The following FAM171A1 variants were observed in gnomAD, a reference collection of about 807,000 sequenced individuals.
The protein encoded by FAM171A1 is protein FAM171A1.
FAM171A1 carries 23 observed loss-of-function variants against 74.9 expected under a neutral mutation model. That is an observed-to-expected ratio of 0.31 (90% confidence interval 0.22 to 0.44). The LOEUF (loss-of-function observed/expected upper bound fraction) is 0.44. Ranked by LOEUF, FAM171A1 falls within the 20% of genes least tolerant of loss-of-function variation. The pLI is 1.00. For synonymous variants in FAM171A1, 527 were observed against 505.7 expected, an observed-to-expected ratio of 1.04 and a Z score of -0.57; for missense variants, 1,162 against 1,159.2, an observed-to-expected ratio of 1.00 and a Z score of -0.03.
intron 3 of FAM171A1, among the ~76,000 whole-genome samples, chr10:15,274,689 T>G (rs542974804): frequency 5.3e-5 from 8 of 152,206 alleles, no homozygotes; most frequent in African/African-American, 1.9e-4. Flanking sequence ...AAAACAGACA[T>G]ATAGACCAAT....
chr10:15,359,879 A>G (rs4750632), intron 1 of FAM171A1, among the ~76,000 whole-genome samples: 149,945 of 152,330 alleles, frequency 0.98, 73,840 homozygotes, highest in Middle Eastern at 1. Context: ...CAGGGACTCC[A>G]TCCTGAATTG....
intron 3 of FAM171A1, among the ~76,000 whole-genome samples, chr10:15,267,961 T>G (rs541758723): frequency 2.2e-4 from 34 of 151,954 alleles, no homozygotes; most frequent in African/African-American, 8.0e-4. Context: ...AAGGGAAAGG[T>G]GGGGACAGTG....
chr10:15,267,544 A>T (rs1181058720), intron 3 of FAM171A1, among the ~76,000 whole-genome samples: 1 of 134,662 alleles, frequency 7.4e-6, no homozygotes, highest in African/African-American at 2.7e-5. Context: ...CAGAGGTTGC[A>T]ATGAGCCGAG....
intron 3 of FAM171A1, among the ~76,000 whole-genome samples, chr10:15,266,604 AC>A (rs1337803784): frequency 1.3e-5 from 2 of 152,056 alleles, no homozygotes; most frequent in Non-Finnish European, 2.9e-5. Flanking sequence ...GGTGGCTCAC[AC>A]CTGTAACCCC....
At chr10:15,223,763 G>A (rs917274229) in intron 5 of FAM171A1, among the ~76,000 whole-genome samples, 20 of 152,170 alleles carry the variant, frequency 1.3e-4, no homozygotes, top group African/African-American at 4.8e-4. Flanking sequence ...GCTGGGTGTG[G>A]TGGCTCCCAT....
intron 3 of FAM171A1, among the ~76,000 whole-genome samples, chr10:15,262,754 A>T (rs1834674717): frequency 6.6e-6 from 1 of 152,240 alleles, no homozygotes; most frequent in Admixed American, 6.5e-5. Context: ...AAAGAACTAG[A>T]AGAGATGAAA....
intron 3 of FAM171A1, among the ~76,000 whole-genome samples, chr10:15,275,264 AAAT>A (rs1177858440): frequency 6.6e-6 from 1 of 152,092 alleles, no homozygotes; most frequent in Non-Finnish European, 1.5e-5. Context: ...ATAATTTAAA[AAAT>A]AATAAGTGGA....
intron 1 of FAM171A1, among the ~76,000 whole-genome samples, chr10:15,334,834 T>A (rs567526800): frequency 6.6e-6 from 1 of 152,374 alleles, no homozygotes; most frequent in South Asian, 2.1e-4. Flanking sequence ...ATACACTTTA[T>A]GCTACAGAAA....
intron 3 of FAM171A1, 77 bp downstream of exon 3, chr10:15,275,778 C>A: frequency 1.0e-6 from 1 of 952,510 alleles, no homozygotes; most frequent in Non-Finnish European, 1.6e-6. Context: ...CATCACATCA[C>A]ATTGTACACC....
intron 5 of FAM171A1, among the ~76,000 whole-genome samples, chr10:15,235,314 A>C (rs1173260276): frequency 6.6e-6 from 1 of 151,220 alleles, no homozygotes; most frequent in African/African-American, 2.4e-5. Context: ...AAAAAAAAAA[A>C]AAAAAAAAAA....
intron 1 of FAM171A1, among the ~76,000 whole-genome samples, chr10:15,289,743 T>C (rs1835080877): frequency 6.6e-6 from 1 of 152,258 alleles, no homozygotes; most frequent in Non-Finnish European, 1.5e-5. Context: ...AGGCCAAATG[T>C]GGCCTGCTGC....
chr10:15,216,220 G>C (rs1414506021), intron 6 of FAM171A1, 110 bp from the exon 7 acceptor site: 6 of 659,826 alleles, frequency 9.1e-6, no homozygotes, highest in East Asian at 8.9e-5. Context: ...CTGGGGCATA[G>C]AGCAGTGGCC....
At chr10:15,271,113 T>C (rs1457975260) in intron 3 of FAM171A1, among the ~76,000 whole-genome samples, 2 of 152,116 alleles carry the variant, frequency 1.3e-5, no homozygotes, top group East Asian at 3.9e-4. Flanking sequence ...TTCGAACCCA[T>C]TGCAAAGAAG....
intron 1 of FAM171A1, among the ~76,000 whole-genome samples, chr10:15,324,772 C>T (rs550044750): frequency 6.6e-6 from 1 of 152,074 alleles, no homozygotes; most frequent in Admixed American, 6.6e-5. Context: ...GACAAAAAAA[C>T]CAAACCAACT....
chr10:15,311,382 C>A (rs1178476216), intron 1 of FAM171A1, among the ~76,000 whole-genome samples: 2 of 152,136 alleles, frequency 1.3e-5, no homozygotes, highest in African/African-American at 4.8e-5. Flanking sequence ...AGCCTATATT[C>A]CCTTTTAGTT....
Position 15,214,125 on chromosome 10 carries a change from C to T in FAM171A1, c.1463G>A (p.Ser488Asn), listed in dbSNP as rs1253861623. The change falls in exon 8 of 8, where the codon AGT becomes AAT. Residue 488 changes from serine to asparagine, a missense_variant. Ser to Asn is a conservative substitution (Grantham distance 46, BLOSUM62 1). Transcript: ENST00000378116. ...AGGCTGTGAGAGCACGGTGTTGTAA[C>T]TACCCCTGTAGTCATCATTGCCCGA... ...ESSGNDDYRGSYNTVLSQPLF... is the reference protein window; with the variant it reads ...ESSGNDDYRGNYNTVLSQPLF... 10 of 1,614,168 alleles carry T rather than the reference C, an allele frequency of 6.2e-6. No individual in the cohort carries two copies. In the South Asian group the frequency reaches 1.1e-4, roughly 18 times the overall value.
chr10:15,351,263 T>C (rs999747832), intron 1 of FAM171A1, among the ~76,000 whole-genome samples: 1 of 152,142 alleles, frequency 6.6e-6, no homozygotes, highest in African/African-American at 2.4e-5. Context: ...GGCCCCGGAC[T>C]GAAGAGTCCC....
chr10:15,233,152 T>A (rs1361395184), intron 5 of FAM171A1, among the ~76,000 whole-genome samples: 1 of 151,770 alleles, frequency 6.6e-6, no homozygotes, highest in Non-Finnish European at 1.5e-5. Context: ...AAAATTAGCT[T>A]GGCGTGGTGG....
chr10:15,301,727 C>T (rs1000837773), intron 1 of FAM171A1, among the ~76,000 whole-genome samples: 1 of 152,184 alleles, frequency 6.6e-6, no homozygotes, highest in Non-Finnish European at 1.5e-5. Context: ...AGAATGCAGA[C>T]ACTCTGGCTA....
Sources: gnomAD v4.1 joint callset for allele counts (sites outside exome capture counted in the v4.1 genomes callset) on GRCh38, gnomAD v4.1.1 for gene constraint, MANE v1.5 for transcripts, NCBI Gene and HGNC (gene_info 2026-07-23, HGNC 2026-07-21) for gene names.